CSGALNACT1: variants seen among roughly 807,000 people sequenced by gnomAD.
CSGALNACT1 encodes the protein beta4GalNAcT-1.
In CSGALNACT1, 52 loss-of-function variants were observed where a neutral mutation model predicts 51.0. The ratio of observed to expected loss-of-function variants is 1.02; its 90% CI spans 0.82 to 1.29. CSGALNACT1 has a LOEUF of 1.29. Ranked by LOEUF, CSGALNACT1 falls within the 50% of genes most tolerant of loss-of-function variation. The probability of loss-of-function intolerance (pLI) is 0.00; values close to 1 mark genes in which losing one functional copy is unlikely to be tolerated. For synonymous variants in CSGALNACT1, 341 were observed against 254.4 expected, an observed-to-expected ratio of 1.34 and a Z score of -3.24; for missense variants, 935 against 679.2, an observed-to-expected ratio of 1.38 and a Z score of -4.19.
upstream of CSGALNACT1, among the ~76,000 whole-genome samples, chr8:19,685,852 G>C (rs1016981009): frequency 1.3e-5 from 2 of 152,180 alleles, no homozygotes; most frequent in African/African-American, 4.8e-5. Context: ...AAGGAGGCTT[G>C]AGTTTAAGTT....
At chr8:19,479,436 G>C (rs769076619) in intron 4 of CSGALNACT1, among the ~76,000 whole-genome samples, 3 of 152,210 alleles carry the variant, frequency 2.0e-5, no homozygotes, top group African/African-American at 4.8e-5. Flanking sequence ...GGTTTTATCA[G>C]TGTTAATAAT....
At chr8:19,592,333 T>C (rs1422809364) in intron 2 of CSGALNACT1, among the ~76,000 whole-genome samples, 1 of 152,204 alleles carries the variant, frequency 6.6e-6, no homozygotes, top group Non-Finnish European at 1.5e-5. Flanking sequence ...TTAGGAAATA[T>C]ACCACTTAGC....
chr8:19,683,166 C>T, upstream of CSGALNACT1: 1 of 164,262 alleles, frequency 6.1e-6, no homozygotes, highest in South Asian at 1.6e-4. Context: ...ATCTGTGCTA[C>T]AGAGTTCACA....
chr8:19,527,469 G>C (rs748464296), intron 3 of CSGALNACT1, among the ~76,000 whole-genome samples: 2 of 152,140 alleles, frequency 1.3e-5, no homozygotes, highest in Non-Finnish European at 2.9e-5. Context: ...AATTAGCCAG[G>C]CATGGTGGTG....
intron 3 of CSGALNACT1, among the ~76,000 whole-genome samples, chr8:19,563,792 AACTCC>A (rs2154100091): frequency 6.6e-6 from 1 of 152,176 alleles, no homozygotes; most frequent in East Asian, 1.9e-4. Context: ...TGTCTTCACT[AACTCC>A]CAGCGACTCA....
rs374845021 is a variant in CSGALNACT1, at chr8:19,662,848, C to G, written c.-544+19625G>C. 7.2e-5 allele frequency among the ~76,000 whole-genome samples: 11 copies of G among 152,068 alleles called. No individual in the cohort carries two copies. The East Asian group carries it at 9.6e-4, about 13-fold the overall frequency. ...GCACTAGCACAGCTGTCCTATTCTCCCCCCATTCAGGAGGTCATGCCACAC... is the reference window on the plus strand; with the variant it reads ...GCACTAGCACAGCTGTCCTATTCTCGCCCCATTCAGGAGGTCATGCCACAC... On this transcript the variant is annotated intron_variant, in intron 1 of 9. Transcript: ENST00000332246.
intron 1 of CSGALNACT1, among the ~76,000 whole-genome samples, chr8:19,609,428 A>G (rs1025153423): frequency 1.3e-5 from 2 of 151,162 alleles, no homozygotes; most frequent in African/African-American, 2.4e-5. Context: ...AATCATTTCA[A>G]TGTGTTTTCA....
intron 5 of CSGALNACT1, among the ~76,000 whole-genome samples, chr8:19,453,117 G>A (rs1174650524): frequency 2.0e-5 from 3 of 152,002 alleles, no homozygotes; most frequent in Non-Finnish European, 4.4e-5. Flanking sequence ...AAAATTAAAA[G>A]AAAAAGTTAA....
At chr8:19,532,404 G>A (rs1587937829) in intron 3 of CSGALNACT1, among the ~76,000 whole-genome samples, 1 of 152,090 alleles carries the variant, frequency 6.6e-6, no homozygotes, top group Non-Finnish European at 1.5e-5. Context: ...TCAAAAACAT[G>A]AGCCGTGTTA....
intron 4 of CSGALNACT1, among the ~76,000 whole-genome samples, chr8:19,474,359 G>C (rs1586784966): frequency 6.6e-6 from 1 of 151,972 alleles, no homozygotes; most frequent in South Asian, 2.1e-4. Context: ...AACTTTGGCA[G>C]TATTTTTAAA....
At chr8:19,576,794 G>T (rs1329333315) in intron 3 of CSGALNACT1, among the ~76,000 whole-genome samples, 1 of 152,012 alleles carries the variant, frequency 6.6e-6, no homozygotes, top group East Asian at 1.9e-4. Flanking sequence ...CTTGTGAGTG[G>T]GGTCCTACTA....
upstream of CSGALNACT1, among the ~76,000 whole-genome samples, chr8:19,603,438 G>A (rs367610304): frequency 2.7e-4 from 41 of 152,274 alleles, no homozygotes; most frequent in Middle Eastern, 3.4e-3. Context: ...CCTCTACTGC[G>A]GTGCCTGCGC....
At chr8:19,535,759 A>C (rs1346736447) in intron 3 of CSGALNACT1, among the ~76,000 whole-genome samples, 1 of 152,196 alleles carries the variant, frequency 6.6e-6, no homozygotes, top group Non-Finnish European at 1.5e-5. Context: ...ATGTCAAAAA[A>C]CATTTGAAAA....
intron 3 of CSGALNACT1, among the ~76,000 whole-genome samples, chr8:19,520,444 T>G (rs2080428595): frequency 6.6e-6 from 1 of 152,238 alleles, no homozygotes; most frequent in South Asian, 2.1e-4. Context: ...TATGAGTCCC[T>G]CTCCTGGAGT....
At chr8:19,505,872 C>T (rs2153998721) in exon 4 of CSGALNACT1, 1 of 1,602,834 alleles carries the variant, frequency 6.2e-7, no homozygotes, top group East Asian at 2.2e-5. Flanking sequence ...GGTGGCATCC[C>T]TCAAAGCCGG....
In CSGALNACT1 at chr8:19,418,661, G is replaced by A; in HGVS notation, c.1222C>T (p.Gln408Ter). ...TCTGCAGGGTAATTACTCACCAGCT[G>A]CTGTTCCAAGGGAGGGACTGCATCA... Residue 408 changes from glutamine (Q) to a stop codon, truncating the protein, a stop_gained, in exon 8 of 10, where the codon CAG (glutamine) becomes TAG (stop). Transcript: ENST00000454498. LOFTEE classifies it high-confidence loss of function. 1 of 1,607,272 alleles carries A rather than the reference G, an allele frequency of 6.2e-7. No individual in the cohort carries two copies. Among genetic ancestry groups the A allele is most frequent in the South Asian group, 1.1e-5 (1 of 90,946 alleles).
intron 6 of CSGALNACT1, among the ~76,000 whole-genome samples, chr8:19,428,904 T>C (rs747483036): frequency 6.6e-6 from 1 of 151,360 alleles, no homozygotes; most frequent in African/African-American, 2.4e-5. Context: ...ATATGTATAC[T>C]TTTTATTGAG....
At chr8:19,725,844 C>T (rs2063370878) in intron 1 of CSGALNACT1, among the ~76,000 whole-genome samples, 1 of 152,124 alleles carries the variant, frequency 6.6e-6, no homozygotes, top group African/African-American at 2.4e-5. Flanking sequence ...TCCCCCATTA[C>T]TCACATACCC....
chr8:19,503,979 A>G (rs1275593069), intron 4 of CSGALNACT1, among the ~76,000 whole-genome samples: 1 of 152,228 alleles, frequency 6.6e-6, no homozygotes, highest in Non-Finnish European at 1.5e-5. Flanking sequence ...GATTTGATGG[A>G]AGAGAGTCAG....
Sources: gnomAD v4.1 joint callset for allele counts (sites outside exome capture counted in the v4.1 genomes callset) on GRCh38, gnomAD v4.1.1 for gene constraint, MANE v1.5 for transcripts, NCBI Gene and HGNC (gene_info 2026-07-23, HGNC 2026-07-21) for gene names.